Variants in ANKRD44 observed in about 807,000 individuals in gnomAD.
ANKRD44 encodes ankyrin repeat domain 44, also known as serine/threonine-protein phosphatase 6 regulatory ankyrin repeat subunit B.
A neutral mutation model predicts 116.0 loss-of-function variants in ANKRD44; 35 were observed. The observed-to-expected ratio is 0.30, with a 90% CI of 0.23 to 0.40. ANKRD44 has a LOEUF of 0.40. Among genes scored for constraint, ANKRD44 ranks in the 10% least tolerant of loss-of-function variants. The pLI is 1.00. For synonymous variants in ANKRD44, 435 were observed against 461.8 expected, an observed-to-expected ratio of 0.94 and a Z score of 0.74; for missense variants, 1,014 against 1,242.6, an observed-to-expected ratio of 0.82 and a Z score of 2.77.
intron 18 of ANKRD44, among the ~76,000 whole-genome samples, chr2:197,010,755 A>C (rs1226905615): frequency 6.6e-6 from 1 of 152,288 alleles, no homozygotes. Context: ...CACAAAGTAC[A>C]TTGTATTTGC....
At chr2:197,087,955 C>A (rs2125166762) in intron 12 of ANKRD44, among the ~76,000 whole-genome samples, 1 of 152,284 alleles carries the variant, frequency 6.6e-6, no homozygotes, top group South Asian at 2.1e-4. Flanking sequence ...CATTTATCCA[C>A]CTCTGATAAA....
At chr2:197,076,851 C>T (rs2077679794) in intron 16 of ANKRD44, among the ~76,000 whole-genome samples, 1 of 152,152 alleles carries the variant, frequency 6.6e-6, no homozygotes, top group Non-Finnish European at 1.5e-5. Flanking sequence ...TTTTTTATGG[C>T]TGCATAGTAT....
chr2:197,246,588 A>G (rs2697291), intron 1 of ANKRD44, among the ~76,000 whole-genome samples: 37,285 of 151,444 alleles, frequency 0.25, 4,789 homozygotes, highest in African/African-American at 0.31. Flanking sequence ...CATCTCGCTT[A>G]CACTCAACAG....
At chr2:197,161,858 T>G (rs73991227) in intron 2 of ANKRD44, among the ~76,000 whole-genome samples, 7,862 of 152,240 alleles carry the variant, frequency 0.052, 683 homozygotes, top group African/African-American at 0.18. Context: ...CTACTCTAGA[T>G]TGGAAATCTT....
intron 10 of ANKRD44, chr2:197,099,545 A>G (rs2078240873): frequency 3.5e-6 from 4 of 1,152,048 alleles, no homozygotes; most frequent in Non-Finnish European, 4.3e-6. Context: ...GAAGAATATT[A>G]GAAAGAAAAG....
chr2:197,078,865 AAAG>A, intron 15 of ANKRD44, 51 bp from the exon 16 acceptor site: 1 of 1,572,478 alleles, frequency 6.4e-7, no homozygotes, highest in Non-Finnish European at 8.7e-7. Context: ...CTGGACTGAA[AAAG>A]ATAATTTATG....
intron 1 of ANKRD44, among the ~76,000 whole-genome samples, chr2:197,293,538 GTT>G (rs771736278): frequency 8.5e-5 from 13 of 152,158 alleles, no homozygotes; most frequent in Non-Finnish European, 1.8e-4. Context: ...TGTGACAAAT[GTT>G]CCCTTCAGAT....
At chr2:197,249,190 T>C (rs919822739) in intron 1 of ANKRD44, among the ~76,000 whole-genome samples, 2 of 152,158 alleles carry the variant, frequency 1.3e-5, no homozygotes, top group Admixed American at 6.5e-5. Flanking sequence ...GGAGGATCGC[T>C]TGAGCCCAGG....
At chr2:197,104,514 A>T (rs2078379925) in intron 9 of ANKRD44, among the ~76,000 whole-genome samples, 1 of 152,216 alleles carries the variant, frequency 6.6e-6, no homozygotes, top group South Asian at 2.1e-4. Flanking sequence ...TCTGCCCATT[A>T]GCATTCCCAT....
chr2:197,131,161 C>A (rs1179906757), intron 4 of ANKRD44, among the ~76,000 whole-genome samples: 2 of 151,810 alleles, frequency 1.3e-5, no homozygotes, highest in Non-Finnish European at 2.9e-5. Flanking sequence ...TACAGAAAGT[C>A]CTTAGCATAC....
chr2:197,019,736 G>A (rs762314780), intron 17 of ANKRD44, among the ~76,000 whole-genome samples: 13 of 151,832 alleles, frequency 8.6e-5, no homozygotes, highest in Non-Finnish European at 1.5e-4. Context: ...ATGAATTGCC[G>A]TATACCTTTC....
chr2:197,208,666 G>C (rs978749839), intron 1 of ANKRD44, among the ~76,000 whole-genome samples: 1 of 152,070 alleles, frequency 6.6e-6, no homozygotes, highest in South Asian at 2.1e-4. Flanking sequence ...CGAGCGTGGT[G>C]GTGGGCGCCT....
At chr2:197,200,338 A>G (rs960616066) in intron 1 of ANKRD44, among the ~76,000 whole-genome samples, 5 of 152,182 alleles carry the variant, frequency 3.3e-5, no homozygotes, top group Non-Finnish European at 7.3e-5. Context: ...AGGCCTGAAC[A>G]TGGTTTAGAT....
intron 16 of ANKRD44, among the ~76,000 whole-genome samples, chr2:197,076,370 A>G (rs1316366732): frequency 1.3e-5 from 2 of 152,184 alleles, no homozygotes; most frequent in African/African-American, 4.8e-5. Context: ...TTGCTTTCCT[A>G]ACATCTAATA....
intron 1 of ANKRD44, among the ~76,000 whole-genome samples, chr2:197,270,898 T>C (rs1219084653): frequency 6.6e-6 from 1 of 152,178 alleles, no homozygotes; most frequent in Non-Finnish European, 1.5e-5. Context: ...TCTGTGGATC[T>C]TGGCACACAT....
At chr2:197,016,175 A>T (rs986418993) in intron 17 of ANKRD44, among the ~76,000 whole-genome samples, 3 of 152,234 alleles carry the variant, frequency 2.0e-5, no homozygotes, top group Non-Finnish European at 4.4e-5. Context: ...CCGCAGCTTA[A>T]GCAGGAAATC....
In ANKRD44 at chr2:197,025,177, C is replaced by A; in HGVS notation, c.1722+19G>T. 1 of 1,604,416 alleles carries A rather than the reference C, an allele frequency of 6.2e-7. No individual in the cohort carries two copies. ...GTTGTTTTTGTAACAGGTGAAGCTG[C>A]TCATGGCATCTCACTTACAGCTAAG... On this transcript the variant is annotated intron_variant, in intron 17 of 27. Transcript: ENST00000282272.
intron 16 of ANKRD44, among the ~76,000 whole-genome samples, chr2:197,049,161 C>A (rs1371550856): frequency 6.6e-6 from 1 of 152,064 alleles, no homozygotes; most frequent in Non-Finnish European, 1.5e-5. Context: ...GTTTCTTTTG[C>A]CGTGCAGAAG....
chr2:197,168,505 A>G (rs1329114037), intron 2 of ANKRD44, among the ~76,000 whole-genome samples: 2 of 152,210 alleles, frequency 1.3e-5, no homozygotes, highest in Non-Finnish European at 2.9e-5. Flanking sequence ...TCCTTTGTGT[A>G]CCAGCAAACA....
Sources: gnomAD v4.1 joint callset for allele counts (sites outside exome capture counted in the v4.1 genomes callset) on GRCh38, gnomAD v4.1.1 for gene constraint, MANE v1.5 for transcripts, NCBI Gene and HGNC (gene_info 2026-07-23, HGNC 2026-07-21) for gene names.